The following TPD52L1 variants were observed in gnomAD, a reference collection of about 807,000 sequenced individuals.
TPD52L1 encodes the protein TPD52 like 1.
A neutral mutation model predicts 28.7 loss-of-function variants in TPD52L1; 18 were observed. That is an observed-to-expected ratio of 0.63 (90% CI 0.43 to 0.93). The LOEUF (loss-of-function observed/expected upper bound fraction) is 0.93, where lower values mean the gene tolerates loss of function less well. Ranked by LOEUF, TPD52L1 falls within the 40% of genes least tolerant of loss-of-function variation. TPD52L1 has a pLI of 0.00. For synonymous variants in TPD52L1, 75 were observed against 88.8 expected (o/e 0.84, Z 0.88); for missense variants, 203 against 254.8 (o/e 0.80, Z 1.39).
At chr6:125,172,178 TTTCTTTCTTTCTTTC>T in intron 1 of TPD52L1, among the ~76,000 whole-genome samples, 1 of 128,686 alleles carries the variant, frequency 7.8e-6, no homozygotes, top group South Asian at 2.5e-4. Context: ...TCTTTCTTTC[TTTCTTTCTTTCTTTC>T]TTTCTTTCTT....
chr6:125,194,850 T>C (rs1476022812), intron 1 of TPD52L1, among the ~76,000 whole-genome samples: 6 of 152,210 alleles, frequency 3.9e-5, no homozygotes, highest in Non-Finnish European at 8.8e-5. Context: ...TTAGTTGGTG[T>C]CAACCTAAAA....
intron 4 of TPD52L1, among the ~76,000 whole-genome samples, chr6:125,250,836 A>G (rs1007050668): frequency 3.3e-5 from 5 of 152,356 alleles, no homozygotes; most frequent in South Asian, 2.1e-4. Flanking sequence ...TAGAGGGTAC[A>G]ACATTTTCAT....
intron 1 of TPD52L1, among the ~76,000 whole-genome samples, chr6:125,200,442 A>G (rs1180821126): frequency 6.6e-6 from 1 of 152,248 alleles, no homozygotes; most frequent in African/African-American, 2.4e-5. Context: ...GTCCCTCAGT[A>G]GTCATTTATC....
rs1190985093 is a variant in TPD52L1 at position 125,264,298 on chromosome 6, A to G, written c.*1336A>G. The stretch of plus-strand genomic sequence containing the variant: ...AAATCACTATTTAAAAAGCCCATAT[A>G]ATATATACATATTTGTTAGCATGCT... On this transcript the variant is annotated 3_prime_UTR_variant, in exon 7 of 7. Coordinates refer to ENST00000534000, the MANE Select transcript of TPD52L1 (RefSeq NM_003287.4). 1 of 152,232 alleles carries G rather than the reference A, an allele frequency of 6.6e-6. No individual in the cohort carries two copies. The highest frequency in any genetic ancestry group is 1.9e-4 in the East Asian group (1 of 5,206). 9.4% of individuals were successfully genotyped at this position (152,232 alleles called of 1,614,324 possible).
At chr6:125,258,049 C>T (rs1003207031) in intron 6 of TPD52L1, among the ~76,000 whole-genome samples, 1 of 152,202 alleles carries the variant, frequency 6.6e-6, no homozygotes, top group African/African-American at 2.4e-5. Flanking sequence ...AATCCTGTAT[C>T]TTCACGCTGC....
intron 6 of TPD52L1, among the ~76,000 whole-genome samples, chr6:125,258,990 C>A (rs1797761150): frequency 6.6e-6 from 1 of 152,186 alleles, no homozygotes; most frequent in South Asian, 2.1e-4. Flanking sequence ...TTACAAATTT[C>A]TCTGTCCTTT....
At chr6:125,173,869 T>C (rs549937617) in intron 1 of TPD52L1, among the ~76,000 whole-genome samples, 1 of 152,298 alleles carries the variant, frequency 6.6e-6, no homozygotes, top group African/African-American at 2.4e-5. Context: ...CTGAGATGAC[T>C]GTGGTCATAC....
chr6:125,260,901 AAAGAAAGGAAAGAAAGAAAG>A lies in TPD52L1; in HGVS notation c.487-1925_487-1906del, dbSNP rs1425721992. ...AGAAAGAAAAAGAAAAGAGAGGGAGAAAGAAAGGAAAGAAAGAAAGAAGAAAGAAAGAAAGAAAGAAAGAA... is the reference window on the plus strand; with the variant it reads ...AGAAAGAAAAAGAAAAGAGAGGGAGAAAGAAAGAAAGAAAGAAAGAAAGAA... On this transcript the variant is annotated intron_variant, in intron 6 of 6. Transcript: ENST00000534000. 120 of 130,414 alleles carry A rather than the reference AAAGAAAGGAAAGAAAGAAAG, an allele frequency of 9.2e-4. 8 individuals carry two copies. The East Asian group carries it at 0.016, about 17-fold the overall frequency. 8.1% of individuals were successfully genotyped at this position (130,414 alleles called of 1,614,324 possible).
intron 4 of TPD52L1, among the ~76,000 whole-genome samples, chr6:125,251,743 C>G (rs1191863131): frequency 6.6e-6 from 1 of 152,224 alleles, no homozygotes; most frequent in Non-Finnish European, 1.5e-5. Context: ...TTTGTTCAAA[C>G]TGATCCACTG....
At chr6:125,221,753 G>A (rs901412415) in intron 2 of TPD52L1, 2 of 152,180 alleles carry the variant, frequency 1.3e-5, no homozygotes, top group African/African-American at 4.8e-5. Flanking sequence ...TTTGGCCACA[G>A]TAATACACTT....
chr6:125,262,854 C>A lies in TPD52L1; in HGVS notation c.507C>A (p.Asn169Lys), dbSNP rs1462468225. The change falls in exon 7 of 7, where the codon AAC becomes AAA. Residue 169 changes from asparagine to lysine, a missense_variant. Transcript: ENST00000534000. ...TTCAGACGAAAGTAGGCGGTACGAA[C>A]CCTAATGGAGGCAGTTTTGAGGAGG... ...TSLKTKVGGTNPNGGSFEEVL... is the reference protein window; with the variant it reads ...TSLKTKVGGTKPNGGSFEEVL... 9 of 1,613,984 alleles carry A rather than the reference C, an allele frequency of 5.6e-6. No individual in the cohort carries two copies. Among genetic ancestry groups the A allele is most frequent in the Admixed American group, 1.7e-5 (1 of 59,980 alleles).
chr6:125,159,457 C>T (rs546810576), intron 1 of TPD52L1, among the ~76,000 whole-genome samples: 4 of 152,302 alleles, frequency 2.6e-5, no homozygotes, highest in African/African-American at 7.2e-5. Context: ...TTTGCTGTTT[C>T]TACCACATCT....
At chr6:125,261,019 AAAAGAAAAG>A (rs1341964505) in intron 6 of TPD52L1, 3 of 32,044 alleles carry the variant, frequency 9.4e-5, no homozygotes, top group African/African-American at 7.8e-4. Flanking sequence ...AGAAAGAAAG[AAAAGAAAAG>A]AAAGAAAGAA....
At chr6:125,235,064 A>G (rs1796174915) in intron 3 of TPD52L1, among the ~76,000 whole-genome samples, 1 of 151,380 alleles carries the variant, frequency 6.6e-6, no homozygotes, top group Admixed American at 6.6e-5. Context: ...ACTGCACTCC[A>G]GCCTGGGTGA....
intron 1 of TPD52L1, among the ~76,000 whole-genome samples, chr6:125,209,420 T>A (rs749782787): frequency 4.6e-5 from 7 of 152,192 alleles, no homozygotes; most frequent in Non-Finnish European, 8.8e-5. Context: ...AAATTCCTGA[T>A]TGGTCTCTCC....
Position 125,232,079 on chromosome 6 carries a change from C to G in TPD52L1, c.284+2813C>G, listed in dbSNP as rs150536175. Among the ~76,000 whole-genome samples, 70 of 152,280 alleles carry G rather than the reference C, an allele frequency of 4.6e-4. 1 individual carries two copies. The highest frequency in any genetic ancestry group is 1.6e-3 in the African/African-American group (68 of 41,560). ...TAAACAGATTTATAGGCTGAGAGGA[C>G]AACTCAGTGTAAAAGTTTAAGGCAG... On this transcript the variant is annotated intron_variant, in intron 3 of 6. Transcript: ENST00000534000.
intron 1 of TPD52L1, among the ~76,000 whole-genome samples, chr6:125,187,130 T>C (rs955741430): frequency 1.3e-5 from 2 of 151,932 alleles, no homozygotes; most frequent in Admixed American, 6.6e-5. Flanking sequence ...AATAGAAAAA[T>C]AGGCAGATAA....
intron 1 of TPD52L1, among the ~76,000 whole-genome samples, chr6:125,164,076 G>A (rs1000234134): frequency 2.0e-5 from 3 of 152,162 alleles, no homozygotes; most frequent in African/African-American, 2.4e-5. Flanking sequence ...GTTGGGATTT[G>A]AAATCAGAAA....
intron 1 of TPD52L1, among the ~76,000 whole-genome samples, chr6:125,211,429 T>C (rs1794500801): frequency 6.6e-6 from 1 of 152,114 alleles, no homozygotes; most frequent in Non-Finnish European, 1.5e-5. Context: ...ATTTCAAAGA[T>C]GTTAAATGTG....
Sources: gnomAD v4.1 joint callset for allele counts (sites outside exome capture counted in the v4.1 genomes callset) on GRCh38, gnomAD v4.1.1 for gene constraint, MANE v1.5 for transcripts, NCBI Gene and HGNC (gene_info 2026-07-23, HGNC 2026-07-21) for gene names.